The following SQSTM1 variants were observed in gnomAD, a reference collection of about 807,000 sequenced individuals.
The protein encoded by SQSTM1 is sequestosome 1, also known as sequestosome-1.
SQSTM1 carries 36 observed loss-of-function variants against 45.1 expected under a neutral mutation model. That is an observed-to-expected ratio of 0.80 (90% CI 0.61 to 1.05). SQSTM1 has a LOEUF of 1.05. Ranked by LOEUF, SQSTM1 falls within the 50% of genes least tolerant of loss-of-function variation. The probability of loss-of-function intolerance (pLI) is 0.00; values close to 1 mark genes in which losing one functional copy is unlikely to be tolerated. For synonymous variants in SQSTM1, 290 were observed against 244.3 expected (o/e 1.19, Z -1.74); for missense variants, 617 against 607.1 (o/e 1.02, Z -0.17).
At chr5:179,825,815 G>GA (rs1180291809) in intron 5 of SQSTM1, among the ~76,000 whole-genome samples, 1 of 152,034 alleles carries the variant, frequency 6.6e-6, no homozygotes, top group Non-Finnish European at 1.5e-5. Context: ...CTCAGGCTCT[G>GA]AGACCCCTCC....
intron 1 of SQSTM1, chr5:179,808,351 CAG>C (rs1031655642): frequency 1.3e-5 from 2 of 152,250 alleles, no homozygotes; most frequent in African/African-American, 4.8e-5. Context: ...GCTCCCCACT[CAG>C]TGCTCCTGGA....
At chr5:179,833,349 AC>A in intron 6 of SQSTM1, 103 bp downstream of exon 6, 1 of 1,190,998 alleles carries the variant, frequency 8.4e-7, no homozygotes, top group South Asian at 1.3e-5. Flanking sequence ...CCACTTACAA[AC>A]CCGAGGGAGC....
chr5:179,817,662 C>A (rs923222310), upstream of SQSTM1, among the ~76,000 whole-genome samples: 2 of 152,184 alleles, frequency 1.3e-5, no homozygotes, highest in African/African-American at 4.8e-5. Flanking sequence ...CGTGCCCCTC[C>A]CATGGCCCCC....
chr5:179,812,889 C>T (rs1272704362), intron 2 of SQSTM1: 3 of 151,702 alleles, frequency 2.0e-5, no homozygotes, highest in Admixed American at 1.3e-4. Context: ...CCAGCCATAG[C>T]TAGTCTAGGA....
rs760122315 is a variant in SQSTM1, at chr5:179,823,881, C to T, written c.325C>T (p.His109Tyr). 2 of 1,612,792 alleles carry T rather than the reference C, an allele frequency of 1.2e-6. No individual in the cohort carries two copies. Among genetic ancestry groups the T allele is most frequent in the Admixed American group, 3.3e-5 (2 of 60,028 alleles). ...AGAGAAAAAAGAGTGCCGGCGGGAC[C>T]ACCGCCCACCGTGTGCTCAGGAGGC... Reference protein sequence around the residue: ...IKEKKECRRDHRPPCAQEAPR... With the variant: ...IKEKKECRRDYRPPCAQEAPR... The change falls in exon 3 of 8, where the codon CAC (histidine) becomes TAC (tyrosine). Residue 109 changes from histidine (H) to tyrosine (Y), a missense_variant. Transcript: ENST00000389805.
intron 1 of SQSTM1, among the ~76,000 whole-genome samples, chr5:179,811,232 C>CAAA (rs1329316974): frequency 2.9e-5 from 4 of 136,334 alleles, no homozygotes; most frequent in African/African-American, 1.1e-4. Context: ...GACTCCGTCT[C>CAAA]AAAAAAAAAA....
intron 7 of SQSTM1, 52 bp downstream of exon 7, chr5:179,833,834 T>C: frequency 6.3e-7 from 1 of 1,581,168 alleles, no homozygotes; most frequent in Non-Finnish European, 8.7e-7. Context: ...CTTTAGAGCA[T>C]CCTGCCCTCC....
At chr5:179,831,651 G>A (rs377394017) in intron 5 of SQSTM1, among the ~76,000 whole-genome samples, 117 of 152,234 alleles carry the variant, frequency 7.7e-4, no homozygotes, top group African/African-American at 2.7e-3. Context: ...GCAACAGAGC[G>A]AGACTCTGTC....
At chr5:179,823,552 G>C (rs528802472) in intron 2 of SQSTM1, 3 of 478,758 alleles carry the variant, frequency 6.3e-6, no homozygotes, top group African/African-American at 5.9e-5. Flanking sequence ...GTCTGGTGCC[G>C]TGGTGCTTGG....
chr5:179,812,031 C>A (rs894120549), intron 2 of SQSTM1: 1 of 152,098 alleles, frequency 6.6e-6, no homozygotes, highest in Non-Finnish European at 1.5e-5. Context: ...GTCTCGATCT[C>A]CTGACTTCAT....
chr5:179,827,365 G>C lies in SQSTM1; in HGVS notation c.754+2139G>C, dbSNP rs149753680. ...TGCCCAGGCTGGAGTGCAGTGGCAC[G>C]ATCTTGGCTCCTGGGTTCACGCCAT... On this transcript the variant is annotated intron_variant, in intron 5 of 7. Transcript: ENST00000389805. 3.9e-3 allele frequency among the ~76,000 whole-genome samples: 597 copies of C among 152,238 alleles called. 5 individuals are homozygous for C. Among genetic ancestry groups the C allele is most frequent in the African/African-American group, 0.012 (515 of 41,532 alleles).
At chr5:179,825,631 T>A (rs1369012935) in intron 5 of SQSTM1, among the ~76,000 whole-genome samples, 1 of 152,212 alleles carries the variant, frequency 6.6e-6, no homozygotes, top group Non-Finnish European at 1.5e-5. Context: ...ATTTATCTTT[T>A]CCTTCTTTTA....
At chr5:179,807,868 G>C (rs922235108) in intron 1 of SQSTM1, 2 of 152,300 alleles carry the variant, frequency 1.3e-5, no homozygotes, top group Admixed American at 6.5e-5. Flanking sequence ...GGCCAGGCTG[G>C]TCTCGAACTC....
chr5:179,834,705 T>C (rs573420058), intron 7 of SQSTM1, among the ~76,000 whole-genome samples: 4 of 152,110 alleles, frequency 2.6e-5, no homozygotes, highest in African/African-American at 9.7e-5. Context: ...ACACAGCACA[T>C]GTTTCAGAGA....
At chr5:179,829,764 T>C (rs539801463) in intron 5 of SQSTM1, among the ~76,000 whole-genome samples, 12 of 152,240 alleles carry the variant, frequency 7.9e-5, no homozygotes, top group South Asian at 4.1e-4. Context: ...CCAGAAAGAA[T>C]AGAAAACTGA....
At chr5:179,812,552 A>G (rs1757459604) in intron 2 of SQSTM1, 1 of 152,204 alleles carries the variant, frequency 6.6e-6, no homozygotes, top group African/African-American at 2.4e-5. Context: ...TCTTGAGGTG[A>G]CTGGAGCCCG....
At position 179,836,837 on chromosome 5, in the gene SQSTM1, A is replaced by G; in HGVS notation, c.*244A>G. On this transcript the variant is annotated 3_prime_UTR_variant, in exon 8 of 8. Transcript: ENST00000389805. Reference sequence around the variant, plus strand: ...CAGCAGGGCTGGGCCTGCGAGACCCAAGGCTCACTGCAGCGCGCTCCTGAC... The same window carrying G: ...CAGCAGGGCTGGGCCTGCGAGACCCGAGGCTCACTGCAGCGCGCTCCTGAC... 1 of 662,406 alleles carries G rather than the reference A, an allele frequency of 1.5e-6. No homozygotes were observed. Among genetic ancestry groups the G allele is most frequent in the Middle Eastern group, 4.0e-4 (1 of 2,496 alleles). 41.0% of individuals were successfully genotyped at this position (662,406 alleles called of 1,614,324 possible).
At chr5:179,818,358 T>C (rs1757646812), upstream of SQSTM1, among the ~76,000 whole-genome samples, 2 of 152,182 alleles carry the variant, frequency 1.3e-5, no homozygotes, top group African/African-American at 4.8e-5. Flanking sequence ...TCCCTAAAGA[T>C]GGCCCAGAGC....
Position 179,836,943 on chromosome 5 carries a change from T to G in SQSTM1, c.*350T>G. On this transcript the variant is annotated 3_prime_UTR_variant, in exon 8 of 8. Transcript: ENST00000389805. ...CACTTTCTCTTTTGTTTTAAATGACTCATAGGTCCCTGACATTTAGTTGAT... is the reference window on the plus strand; with the variant it reads ...CACTTTCTCTTTTGTTTTAAATGACGCATAGGTCCCTGACATTTAGTTGAT... 1 of 607,248 alleles carries G rather than the reference T, an allele frequency of 1.6e-6. No individual in the cohort carries two copies. Among genetic ancestry groups the G allele is most frequent in the Non-Finnish European group, 2.9e-6 (1 of 343,986 alleles). The allele number at this position is 607,248 out of a possible 1,614,324, so 37.6% of individuals were successfully genotyped here. A position where few individuals can be genotyped will look rare whatever the true frequency, so the allele number is the denominator to read the frequency against.
Sources: allele counts gnomAD v4.1 joint callset (sites outside exome capture counted in the v4.1 genomes callset), GRCh38; gene constraint gnomAD v4.1.1; transcripts MANE v1.5; gene names NCBI Gene and HGNC (gene_info 2026-07-23, HGNC 2026-07-21).